MAGI2: variants seen among roughly 807,000 people sequenced by gnomAD.
The protein encoded by MAGI2 is membrane-associated guanylate kinase, WW and PDZ domain-containing protein 2.
Under a neutral mutation model 133.3 loss-of-function variants are expected in MAGI2, and 35 were observed. That is an observed-to-expected ratio of 0.26 (90% confidence interval 0.20 to 0.35). The LOEUF (loss-of-function observed/expected upper bound fraction) is 0.35, where lower values mean the gene tolerates loss of function less well. Ranked by LOEUF, MAGI2 falls within the 10% of genes least tolerant of loss-of-function variation. The pLI is 1.00. For missense variants in MAGI2, 1,636 were observed against 1,863.4 expected, an observed-to-expected ratio of 0.88 and a Z score of 2.25; for synonymous variants, 729 against 710.6, an observed-to-expected ratio of 1.03 and a Z score of -0.41.
intron 6 of MAGI2, among the ~76,000 whole-genome samples, chr7:78,420,398 G>C (rs1455307629): frequency 6.6e-6 from 1 of 152,128 alleles, no homozygotes; most frequent in Non-Finnish European, 1.5e-5. Flanking sequence ...ACAAACAACT[G>C]TTCTCTTGAG....
At chr7:79,180,514 A>T (rs1038707283) in intron 1 of MAGI2, among the ~76,000 whole-genome samples, 1 of 152,004 alleles carries the variant, frequency 6.6e-6, no homozygotes. Context: ...CATCATGAGA[A>T]CACAACAGAA....
At chr7:78,460,281 G>C (rs968270355) in intron 6 of MAGI2, among the ~76,000 whole-genome samples, 2 of 152,280 alleles carry the variant, frequency 1.3e-5, no homozygotes, top group African/African-American at 4.8e-5. Context: ...AACTTACGCA[G>C]GTCACACATG....
intron 1 of MAGI2, among the ~76,000 whole-genome samples, chr7:79,129,392 A>G (rs1188412661): frequency 1.3e-5 from 2 of 152,218 alleles, no homozygotes; most frequent in Admixed American, 1.3e-4. Context: ...CTTTAAATTC[A>G]TGCATAATAT....
In MAGI2 at chr7:78,305,139, A is replaced by G. The variant is rs77386242; in HGVS notation, c.1408+38639T>C. On this transcript the variant is annotated intron_variant, in intron 9 of 21. Transcript: ENST00000354212. Reference sequence around the variant, plus strand: ...GGGACTCAATGAATTGTCATGCACTATAGACAGACTTCACTATTCGGAACC... The same window carrying G: ...GGGACTCAATGAATTGTCATGCACTGTAGACAGACTTCACTATTCGGAACC... 5.8e-3 allele frequency among the ~76,000 whole-genome samples: 882 copies of G among 152,294 alleles called. 13 individuals are homozygous for G. The highest frequency in any genetic ancestry group is 0.021 in the African/African-American group (857 of 41,556).
intron 6 of MAGI2, among the ~76,000 whole-genome samples, chr7:78,373,063 T>C (rs1259441071): frequency 6.6e-6 from 1 of 152,100 alleles, no homozygotes; most frequent in Non-Finnish European, 1.5e-5. Context: ...GCTCAAGGAA[T>C]CCTCTCCCCT....
At chr7:78,790,169 T>C (rs1266184027) in intron 2 of MAGI2, among the ~76,000 whole-genome samples, 1 of 152,140 alleles carries the variant, frequency 6.6e-6, no homozygotes, top group Non-Finnish European at 1.5e-5. Flanking sequence ...AGAAACTCTT[T>C]GCTAGGTGGT....
At chr7:79,132,148 A>G (rs532973373) in intron 1 of MAGI2, among the ~76,000 whole-genome samples, 1 of 152,244 alleles carries the variant, frequency 6.6e-6, no homozygotes, top group East Asian at 1.9e-4. Context: ...GCTTTTTAAA[A>G]ATTTTTTGTT....
At chr7:79,224,085 T>C (rs1326055844) in intron 1 of MAGI2, among the ~76,000 whole-genome samples, 2 of 152,074 alleles carry the variant, frequency 1.3e-5, no homozygotes, top group Admixed American at 1.3e-4. Flanking sequence ...ATGCTCCACT[T>C]TCTTGTTTTC....
intron 1 of MAGI2, among the ~76,000 whole-genome samples, chr7:79,157,941 AGTGTGTGTGT>A (rs60535225): frequency 3.7e-5 from 5 of 134,894 alleles, no homozygotes; most frequent in African/African-American, 9.7e-5. Flanking sequence ...TCTTTGTGTG[AGTGTGTGTGT>A]GTGTGTGTGT....
chr7:78,781,444 A>C (rs937899691), intron 2 of MAGI2, among the ~76,000 whole-genome samples: 4 of 152,154 alleles, frequency 2.6e-5, no homozygotes, highest in Non-Finnish European at 4.4e-5. Flanking sequence ...TATGTAAAAA[A>C]AATTTGCATA....
chr7:78,256,351 A>T lies in MAGI2; in HGVS notation c.1639T>A (p.Tyr547Asn). 1.2e-6 allele frequency: 2 copies of T among 1,614,020 alleles called. No individual in the cohort carries two copies. The highest frequency in any genetic ancestry group is 1.7e-6 in the Non-Finnish European group (2 of 1,179,986). Residue 547 changes from tyrosine to asparagine, a missense_variant, in exon 10 of 22, where the codon TAT becomes AAT. Coordinates refer to ENST00000354212, the MANE Select transcript of MAGI2 (RefSeq NM_012301.4). ...GAGGTCCGAGAAATGTACTCCAAAT[A>T]TGTTTCATAGTTGTGTCTTCCATTG... ...MVNGRHNYET[Y>N]LEYISRTSQS...
intron 5 of MAGI2, among the ~76,000 whole-genome samples, chr7:78,490,911 G>C (rs1222596019): frequency 6.6e-6 from 1 of 151,998 alleles, no homozygotes; most frequent in Non-Finnish European, 1.5e-5. Context: ...GGTGTTTCTA[G>C]GGAACAGTCA....
rs111783367 is a variant in MAGI2 at position 78,602,630 on chromosome 7, A to C, written c.538+24490T>G. On this transcript the variant is annotated intron_variant, in intron 3 of 21. Transcript: ENST00000354212. Reference sequence around the variant, plus strand: ...TGAAAAGCATTTTTACCAGAATAAAACAAATGAAAGGAATAGGAAATGCCA... The same window carrying C: ...TGAAAAGCATTTTTACCAGAATAAACCAAATGAAAGGAATAGGAAATGCCA... 7.9e-3 allele frequency among the ~76,000 whole-genome samples: 1,203 copies of C among 152,320 alleles called. 11 individuals carry two copies. The highest frequency in any genetic ancestry group is 0.028 in the African/African-American group (1,146 of 41,566).
At chr7:78,514,457 T>C (rs1406340353) in intron 4 of MAGI2, among the ~76,000 whole-genome samples, 2 of 152,170 alleles carry the variant, frequency 1.3e-5, no homozygotes, top group Admixed American at 6.5e-5. Context: ...GAATATCTAA[T>C]TTTAGAAGGC....
At chr7:78,274,271 G>A (rs1380024309) in intron 9 of MAGI2, among the ~76,000 whole-genome samples, 1 of 152,186 alleles carries the variant, frequency 6.6e-6, no homozygotes, top group Non-Finnish European at 1.5e-5. Context: ...AGCAGATGCT[G>A]CAGAACAGCA....
intron 2 of MAGI2, among the ~76,000 whole-genome samples, chr7:78,798,895 C>A (rs1304022262): frequency 6.6e-6 from 1 of 152,144 alleles, no homozygotes; most frequent in Non-Finnish European, 1.5e-5. Context: ...AGGTGAATTC[C>A]AAAGGCCTTT....
At chr7:78,799,875 C>A (rs184706690) in intron 2 of MAGI2, among the ~76,000 whole-genome samples, 2 of 152,224 alleles carry the variant, frequency 1.3e-5, no homozygotes, top group East Asian at 3.9e-4. Flanking sequence ...TAAAGTATTA[C>A]CATCTTTGTG....
At chr7:78,684,211 C>T (rs1366421599) in intron 2 of MAGI2, among the ~76,000 whole-genome samples, 6 of 152,094 alleles carry the variant, frequency 3.9e-5, no homozygotes, top group Non-Finnish European at 8.8e-5. Context: ...ATTCTCCAAA[C>T]ATATTTCATC....
chr7:79,035,016 T>A (rs547629605), intron 1 of MAGI2, among the ~76,000 whole-genome samples: 1 of 152,178 alleles, frequency 6.6e-6, no homozygotes. Context: ...ATACTTAAAG[T>A]TCTGCAATTG....
Sources: allele counts gnomAD v4.1 joint callset (sites outside exome capture counted in the v4.1 genomes callset), GRCh38; gene constraint gnomAD v4.1.1; transcripts MANE v1.5; gene names NCBI Gene and HGNC (gene_info 2026-07-23, HGNC 2026-07-21).